Variants in CACNG4 observed in about 807,000 individuals in gnomAD.
The protein encoded by CACNG4 is calcium voltage-gated channel auxiliary subunit gamma 4, also known as voltage-dependent calcium channel gamma-4 subunit.
A neutral mutation model predicts 22.9 loss-of-function variants in CACNG4; 8 were observed. That is an observed-to-expected ratio of 0.35 (90% CI 0.21 to 0.63). The LOEUF (loss-of-function observed/expected upper bound fraction) is 0.63. Among genes scored for constraint, CACNG4 ranks in the 30% least tolerant of loss-of-function variants. The pLI is 0.72. For missense variants in CACNG4, 357 were observed against 455.4 expected, an observed-to-expected ratio of 0.78 and a Z score of 1.97; for synonymous variants, 188 against 191.9, an observed-to-expected ratio of 0.98 and a Z score of 0.17.
chr17:67,025,727 C>G (rs556502409), intron 3 of CACNG4, among the ~76,000 whole-genome samples: 1 of 152,262 alleles, frequency 6.6e-6, no homozygotes, highest in Non-Finnish European at 1.5e-5. Flanking sequence ...GCAGGCCTGG[C>G]GTGGTGCCGC....
intron 3 of CACNG4, among the ~76,000 whole-genome samples, chr17:67,029,193 A>G (rs538107993): frequency 6.6e-6 from 1 of 152,212 alleles, no homozygotes; most frequent in Non-Finnish European, 1.5e-5. Context: ...TTACCCAGGC[A>G]TGGTGGTGCG....
intron 1 of CACNG4, among the ~76,000 whole-genome samples, chr17:67,013,326 C>A (rs575744901): frequency 6.6e-6 from 1 of 152,288 alleles, no homozygotes; most frequent in East Asian, 1.9e-4. Flanking sequence ...CACTCGGAGT[C>A]AAAGAATCTG....
At chr17:67,025,108 G>C in intron 3 of CACNG4, 108 bp downstream of exon 3, 7 of 1,056,888 alleles carry the variant, frequency 6.6e-6, no homozygotes, top group Non-Finnish European at 8.9e-6. Context: ...GGGGAATGCA[G>C]ACATAACATC....
intron 1 of CACNG4, among the ~76,000 whole-genome samples, chr17:67,011,842 C>G (rs954777426): frequency 1.3e-5 from 2 of 152,110 alleles, no homozygotes; most frequent in African/African-American, 4.8e-5. Flanking sequence ...CTCCTAGATC[C>G]TAAAGGGGAG....
chr17:67,020,596 G>C (rs1261565721), intron 2 of CACNG4, among the ~76,000 whole-genome samples: 8 of 152,224 alleles, frequency 5.3e-5, no homozygotes, highest in Admixed American at 5.2e-4. Context: ...CTCGGTGGCT[G>C]CAGAAACAGG....
chr17:67,005,188 G>A (rs2143332560), intron 1 of CACNG4, among the ~76,000 whole-genome samples: 1 of 152,232 alleles, frequency 6.6e-6, no homozygotes, highest in Non-Finnish European at 1.5e-5. Flanking sequence ...TTAGTCCATG[G>A]GTCTCCTCTG....
At chr17:67,019,008 C>T (rs969633171) in intron 2 of CACNG4, among the ~76,000 whole-genome samples, 3 of 152,090 alleles carry the variant, frequency 2.0e-5, no homozygotes, top group Admixed American at 6.5e-5. Context: ...TCCCTGGCAG[C>T]AGCCAGGGAG....
intron 1 of CACNG4, among the ~76,000 whole-genome samples, chr17:67,016,303 C>T (rs1460352613): frequency 6.6e-6 from 1 of 152,154 alleles, no homozygotes; most frequent in Non-Finnish European, 1.5e-5. Flanking sequence ...CCTAGCATCA[C>T]CTCTGAGACC....
rs1385414785 is a variant in CACNG4 at position 67,031,681 on chromosome 17, G to T, written c.*677G>T. ...GCCTGTGGAGGAGGCCCAGGTAAAG[G>T]CTGGGGGCTGTTGCTGGCTATCCTC... On this transcript the variant is annotated 3_prime_UTR_variant, in exon 4 of 4. Coordinates refer to ENST00000262138, the MANE Select transcript of CACNG4 (RefSeq NM_014405.4). This position sits in a 1 kb window ranked among gnomAD's most constrained non-coding sequence, Gnocchi z 4.0. The T allele has an allele frequency of 8.8e-6, 4 of 456,666 alleles. No individual in the cohort carries two copies. The highest frequency in any genetic ancestry group is 8.0e-5 in the African/African-American group (4 of 50,092). The allele number at this position is 456,666 out of a possible 1,614,324, so 28.3% of individuals were successfully genotyped here. A position where few individuals can be genotyped will look rare whatever the true frequency, so the allele number is the denominator to read the frequency against.
At chr17:67,020,480 A>G (rs2035525317) in intron 2 of CACNG4, among the ~76,000 whole-genome samples, 1 of 152,216 alleles carries the variant, frequency 6.6e-6, no homozygotes, top group African/African-American at 2.4e-5. Flanking sequence ...AGAGATGCAC[A>G]TGGAAGAGAC....
chr17:66,975,884 G>C (rs912100179), intron 1 of CACNG4, among the ~76,000 whole-genome samples: 1 of 152,246 alleles, frequency 6.6e-6, no homozygotes, highest in East Asian at 1.9e-4. Context: ...CAGCCACCCA[G>C]GTGTGTGTTC....
At chr17:67,025,926 A>G (rs894041964) in intron 3 of CACNG4, among the ~76,000 whole-genome samples, 2 of 152,208 alleles carry the variant, frequency 1.3e-5, no homozygotes, top group South Asian at 2.1e-4. Flanking sequence ...CCATTCCAGC[A>G]TCTGTTTCCT....
intron 1 of CACNG4, among the ~76,000 whole-genome samples, chr17:66,976,141 A>T (rs2035234681): frequency 6.6e-6 from 1 of 152,102 alleles, no homozygotes; most frequent in East Asian, 1.9e-4. Context: ...GGCCAGGGCC[A>T]GGGTAGAGGA....
At position 66,981,450 on chromosome 17, in the gene CACNG4, C is replaced by T. The variant is rs1598104952; in HGVS notation, c.220+16319C>T. Among the ~76,000 whole-genome samples, 4 of 152,180 alleles carry T rather than the reference C, an allele frequency of 2.6e-5. No homozygotes were observed. In the East Asian group the frequency reaches 5.8e-4, roughly 22 times the overall value. On this transcript the variant is annotated intron_variant, in intron 1 of 3. Coordinates refer to ENST00000262138, the MANE Select transcript of CACNG4 (RefSeq NM_014405.4). Reference sequence around the variant, plus strand: ...TTGGGTTCTTCTTTGGTCTACCCATCTCTGGAGGAAAGGGAAGGAAATTTA... The same window carrying T: ...TTGGGTTCTTCTTTGGTCTACCCATTTCTGGAGGAAAGGGAAGGAAATTTA...
chr17:66,988,180 C>A (rs1000776986), intron 1 of CACNG4, among the ~76,000 whole-genome samples: 3 of 152,088 alleles, frequency 2.0e-5, no homozygotes, highest in Non-Finnish European at 4.4e-5. Context: ...GCATGTGAGG[C>A]CATCACACAG....
intron 1 of CACNG4, among the ~76,000 whole-genome samples, chr17:66,999,559 C>T (rs774514524): frequency 1.3e-5 from 2 of 152,234 alleles, no homozygotes; most frequent in African/African-American, 2.4e-5. Flanking sequence ...CTTCACAAGG[C>T]GGCAGGAGAC....
At chr17:66,968,998 C>T (rs2035188379) in intron 1 of CACNG4, among the ~76,000 whole-genome samples, 1 of 151,870 alleles carries the variant, frequency 6.6e-6, no homozygotes, top group Non-Finnish European at 1.5e-5. Context: ...TTGGTGACAC[C>T]CAGCCAAGCC....
At chr17:66,989,015 C>CGACTTTGGGTGA (rs1555577227) in intron 1 of CACNG4, among the ~76,000 whole-genome samples, 7 of 134,258 alleles carry the variant, frequency 5.2e-5, no homozygotes, top group African/African-American at 1.7e-4. Context: ...GAGCCAAGAT[C>CGACTTTGGGTGA]ATGCCACTGT....
At chr17:67,002,899 C>G (rs2143328643) in intron 1 of CACNG4, among the ~76,000 whole-genome samples, 1 of 152,124 alleles carries the variant, frequency 6.6e-6, no homozygotes, top group East Asian at 1.9e-4. Flanking sequence ...TCAACCAAAG[C>G]CAACACTTAT....
Sources: gnomAD v4.1 joint callset for allele counts (sites outside exome capture counted in the v4.1 genomes callset) on GRCh38, gnomAD v4.1.1 for gene constraint, Gnocchi (gnomAD v3.1) non-coding constraint, MANE v1.5 for transcripts, NCBI Gene and HGNC (gene_info 2026-07-23, HGNC 2026-07-21) for gene names.